The following LMBR1 variants were observed in gnomAD, a reference collection of about 807,000 sequenced individuals.
LMBR1 encodes the protein limb development membrane protein 1, also known as limb region 1 protein homolog.
A neutral mutation model predicts 73.9 loss-of-function variants in LMBR1; 52 were observed. The ratio of observed to expected loss-of-function variants is 0.70; its 90% CI spans 0.56 to 0.89. The LOEUF (loss-of-function observed/expected upper bound fraction) is 0.89, where lower values mean the gene tolerates loss of function less well. Among genes scored for constraint, LMBR1 ranks in the 40% least tolerant of loss-of-function variants. LMBR1 has a pLI of 0.00. For synonymous variants in LMBR1, 215 were observed against 209.4 expected, an observed-to-expected ratio of 1.03 and a Z score of -0.23; for missense variants, 539 against 579.8, an observed-to-expected ratio of 0.93 and a Z score of 0.72.
chr7:156,704,638 C>A (rs1810516601), intron 15 of LMBR1, among the ~76,000 whole-genome samples: 1 of 145,550 alleles, frequency 6.9e-6, no homozygotes, highest in Non-Finnish European at 1.5e-5. Flanking sequence ...GATTAAAGCT[C>A]AAAATACTAA....
chr7:156,746,942 T>G (rs985491702), intron 9 of LMBR1, among the ~76,000 whole-genome samples: 10 of 152,120 alleles, frequency 6.6e-5, no homozygotes, highest in Middle Eastern at 3.2e-3. Flanking sequence ...AGTCAATAAG[T>G]CAAACTGGTA....
intron 15 of LMBR1, among the ~76,000 whole-genome samples, chr7:156,722,889 G>A (rs1400407077): frequency 1.3e-5 from 2 of 152,022 alleles, no homozygotes; most frequent in Non-Finnish European, 2.9e-5. Flanking sequence ...TTAAATAATA[G>A]TACAGTGAAT....
chr7:156,794,929 A>G (rs1349261776), intron 5 of LMBR1, among the ~76,000 whole-genome samples: 1 of 152,122 alleles, frequency 6.6e-6, no homozygotes, highest in Non-Finnish European at 1.5e-5. Flanking sequence ...AATATACTCA[A>G]GTGGTAGATG....
intron 8 of LMBR1, among the ~76,000 whole-genome samples, chr7:156,759,521 T>C (rs776548408): frequency 3.9e-5 from 6 of 152,220 alleles, no homozygotes; most frequent in Non-Finnish European, 8.8e-5. Context: ...TATAGGTTTG[T>C]CATCAGGATA....
chr7:156,749,603 T>C (rs1820458416), intron 9 of LMBR1, among the ~76,000 whole-genome samples: 1 of 152,162 alleles, frequency 6.6e-6, no homozygotes, highest in African/African-American at 2.4e-5. Flanking sequence ...GATAAAAAGG[T>C]ATTCCAATCT....
intron 15 of LMBR1, among the ~76,000 whole-genome samples, chr7:156,718,284 C>G (rs542163722): frequency 5.0e-4 from 76 of 151,744 alleles, no homozygotes; most frequent in Non-Finnish European, 1.6e-4. Context: ...CCTGTAATCC[C>G]AGGTACTTGC....
Position 156,705,214 on chromosome 7 carries a change from A to G in LMBR1, c.1226-17023T>C, listed in dbSNP as rs78836998. Among the ~76,000 whole-genome samples, 195 of 152,330 alleles carry G rather than the reference A, an allele frequency of 1.3e-3. 2 individuals carry two copies. Among genetic ancestry groups the G allele is most frequent in the African/African-American group, 4.6e-3 (192 of 41,580 alleles). ...GAGCAATGGCAGACTTTTCAGCAGA[A>G]ATCTTATAGGCCAGAAAAAAAATGA... On this transcript the variant is annotated intron_variant, in intron 15 of 16. Transcript: ENST00000353442.
intron 4 of LMBR1, among the ~76,000 whole-genome samples, chr7:156,824,292 GT>G (rs1835295583): frequency 1.3e-5 from 2 of 152,132 alleles, no homozygotes; most frequent in Admixed American, 6.5e-5. Context: ...CAGGGCCACA[GT>G]CTCAGCAGAA....
chr7:156,706,412 T>A (rs945484165), intron 15 of LMBR1, among the ~76,000 whole-genome samples: 1 of 152,138 alleles, frequency 6.6e-6, no homozygotes. Context: ...CTAAAACACA[T>A]TTACAGAATA....
At chr7:156,877,306 T>C (rs1800322897) in intron 1 of LMBR1, among the ~76,000 whole-genome samples, 1 of 151,786 alleles carries the variant, frequency 6.6e-6, no homozygotes, top group African/African-American at 2.4e-5. Context: ...GATGGATTTA[T>C]AGCTGAATTC....
intron 4 of LMBR1, among the ~76,000 whole-genome samples, chr7:156,814,091 A>G (rs1290102432): frequency 6.6e-6 from 1 of 152,222 alleles, no homozygotes; most frequent in Non-Finnish European, 1.5e-5. Context: ...AGATCCCCTT[A>G]GCCAACGCAC....
chr7:156,711,743 A>T (rs1014378688), intron 15 of LMBR1, among the ~76,000 whole-genome samples: 1 of 152,204 alleles, frequency 6.6e-6, no homozygotes, highest in African/African-American at 2.4e-5. Context: ...AAAAACATAC[A>T]ATGAAAAAAG....
chr7:156,782,768 C>T (rs540039632), intron 5 of LMBR1, among the ~76,000 whole-genome samples: 17 of 152,320 alleles, frequency 1.1e-4, no homozygotes, highest in Middle Eastern at 6.8e-3. Context: ...TGGTCTCAAA[C>T]TCTTGGCCTC....
chr7:156,728,459 A>C (rs1224693909), intron 11 of LMBR1, among the ~76,000 whole-genome samples, 185 bp downstream of exon 11: 1 of 152,188 alleles, frequency 6.6e-6, no homozygotes, highest in Admixed American at 6.5e-5. Context: ...ATTTTTTTTA[A>C]ATTGCCATTA....
chr7:156,810,280 G>C (rs1215627631), intron 4 of LMBR1, among the ~76,000 whole-genome samples: 1 of 152,086 alleles, frequency 6.6e-6, no homozygotes, highest in African/African-American at 2.4e-5. Flanking sequence ...GCTCTTATGA[G>C]AATAAAGAAC....
At chr7:156,703,216 A>G (rs1234234090) in intron 15 of LMBR1, among the ~76,000 whole-genome samples, 1 of 152,102 alleles carries the variant, frequency 6.6e-6, no homozygotes, top group Non-Finnish European at 1.5e-5. Flanking sequence ...CTGCTCAACA[A>G]TGTGTGGAAA....
intron 9 of LMBR1, 148 bp from the exon 10 acceptor site, chr7:156,734,405 C>T (rs187194643): frequency 3.0e-5 from 16 of 537,712 alleles, no homozygotes; most frequent in African/African-American, 2.9e-4. Flanking sequence ...GAGGAAAGCA[C>T]ATCCATATAT....
intron 4 of LMBR1, among the ~76,000 whole-genome samples, chr7:156,812,337 C>T (rs551668171): frequency 6.6e-6 from 1 of 150,968 alleles, no homozygotes; most frequent in South Asian, 2.1e-4. Flanking sequence ...GAGAGAGAGA[C>T]AGCAAGAGGG....
intron 11 of LMBR1, among the ~76,000 whole-genome samples, chr7:156,728,278 C>A (rs954813247): frequency 6.6e-6 from 1 of 152,140 alleles, no homozygotes; most frequent in African/African-American, 2.4e-5. Flanking sequence ...ACACACAACT[C>A]CACAGACTTA....
Sources: gnomAD v4.1 joint callset for allele counts (sites outside exome capture counted in the v4.1 genomes callset) on GRCh38, gnomAD v4.1.1 for gene constraint, MANE v1.5 for transcripts, NCBI Gene and HGNC (gene_info 2026-07-23, HGNC 2026-07-21) for gene names.